The following C21orf91 variants were observed in gnomAD, a reference collection of about 807,000 sequenced individuals.
The protein encoded by C21orf91 is protein EURL homolog.
A neutral mutation model predicts 32.9 loss-of-function variants in C21orf91; 26 were observed. That is an observed-to-expected ratio of 0.79 (90% confidence interval 0.58 to 1.10). The LOEUF is 1.10. Ranked by LOEUF, C21orf91 falls within the 50% of genes least tolerant of loss-of-function variation. The probability of loss-of-function intolerance (pLI) is 0.00; values close to 1 mark genes in which losing one functional copy is unlikely to be tolerated. For synonymous variants in C21orf91, 126 were observed against 120.4 expected (o/e 1.05, Z -0.31); for missense variants, 310 against 341.3 (o/e 0.91, Z 0.72).
chr21:17,812,650 C>A (rs1412639746), intron 2 of C21orf91, among the ~76,000 whole-genome samples: 2 of 151,866 alleles, frequency 1.3e-5, no homozygotes, highest in African/African-American at 4.8e-5. Flanking sequence ...TCTACTAAAA[C>A]TACAAAAAAT....
At chr21:17,808,251 G>A (rs1399521881) in intron 2 of C21orf91, among the ~76,000 whole-genome samples, 1 of 152,264 alleles carries the variant, frequency 6.6e-6, no homozygotes, top group East Asian at 1.9e-4. Context: ...CTGCTCCAGA[G>A]AGTGCAAGCT....
Position 17,790,925 on chromosome 21 carries a change from T to C in C21orf91, c.*2490A>G, listed in dbSNP as rs2146240341. The C allele has an allele frequency of 6.6e-6, 1 of 152,220 alleles. No homozygotes were observed. Among genetic ancestry groups the C allele is most frequent in the South Asian group, 2.1e-4 (1 of 4,828 alleles). The allele number at this position is 152,220 out of a possible 1,614,324, so 9.4% of individuals were successfully genotyped here. The stretch of plus-strand genomic sequence containing the variant: ...CTTAATCATATAAGCTCTGAAAATT[T>C]AGTAATGGATGACTGGCAGTCTGTT... On this transcript the variant is annotated 3_prime_UTR_variant, in exon 5 of 5. Transcript: ENST00000284881.
At chr21:17,799,946 G>T (rs1237731067) in intron 2 of C21orf91, among the ~76,000 whole-genome samples, 2 of 152,140 alleles carry the variant, frequency 1.3e-5, no homozygotes, top group Non-Finnish European at 2.9e-5. Context: ...TTGCAGTTCT[G>T]CCAGGCTACT....
chr21:17,790,122 C>T lies in C21orf91; in HGVS notation c.*3293G>A, dbSNP rs372693288. On this transcript the variant is annotated 3_prime_UTR_variant, in exon 5 of 5. Transcript: ENST00000284881. Reference sequence around the variant, plus strand: ...TGGTACCATTTCAAATTTTCATGTACAAGTAACCCACTTTATGGTCACTAA... The same window carrying T: ...TGGTACCATTTCAAATTTTCATGTATAAGTAACCCACTTTATGGTCACTAA... 12 of 152,124 alleles carry T rather than the reference C, an allele frequency of 7.9e-5. No homozygotes were observed. In the South Asian group the frequency reaches 8.3e-4, roughly 11 times the overall value. 9.4% of individuals were successfully genotyped at this position (152,124 alleles called of 1,614,324 possible).
At chr21:17,806,146 A>G (rs1372021945) in intron 2 of C21orf91, among the ~76,000 whole-genome samples, 2 of 152,202 alleles carry the variant, frequency 1.3e-5, no homozygotes, top group African/African-American at 2.4e-5. Context: ...CATCTCCTCA[A>G]CTGCCGCCTG....
intron 2 of C21orf91, among the ~76,000 whole-genome samples, chr21:17,807,321 G>A (rs1256757379): frequency 6.6e-6 from 1 of 152,096 alleles, no homozygotes; most frequent in Non-Finnish European, 1.5e-5. Context: ...CATGTAAGAT[G>A]TGCCTGCTCC....
At chr21:17,793,691 A>C in intron 4 of C21orf91, 110 bp from the exon 5 acceptor site, 5 of 683,814 alleles carry the variant, frequency 7.3e-6, no homozygotes, top group South Asian at 1.9e-5. Context: ...TGTCACAATG[A>C]AACTGATTTG....
chr21:17,816,300 A>G (rs920715272), intron 2 of C21orf91, among the ~76,000 whole-genome samples: 1 of 152,236 alleles, frequency 6.6e-6, no homozygotes, highest in African/African-American at 2.4e-5. Flanking sequence ...TATATTCTCT[A>G]TATAATGACT....
chr21:17,818,184 G>A lies in C21orf91; in HGVS notation c.127+8C>T. On this transcript the variant is annotated splice_region_variant and intron_variant, in intron 2 of 4. Coordinates refer to ENST00000284881, the MANE Select transcript of C21orf91 (RefSeq NM_001100420.2). ...TTCCATAAGATCAAAACTATACTGT[G>A]TCCTTACCCTCAATATTTAGCTCAA... The A allele has an allele frequency of 6.2e-7, 1 of 1,603,880 alleles. No individual in the cohort carries two copies. Among genetic ancestry groups the A allele is most frequent in the Non-Finnish European group, 8.5e-7 (1 of 1,171,104 alleles).
rs1043626663 is a variant in C21orf91 at position 17,803,326 on chromosome 21, G to A, written c.128-6208C>T. Reference sequence around the variant, plus strand: ...GCCTGACCCCAGGAATTTGAGAGTCGTCTGGGCAACATTGTGAAACCTGGT... The same window carrying A: ...GCCTGACCCCAGGAATTTGAGAGTCATCTGGGCAACATTGTGAAACCTGGT... On this transcript the variant is annotated intron_variant, in intron 2 of 4. Coordinates refer to ENST00000284881, the MANE Select transcript of C21orf91 (RefSeq NM_001100420.2). 5.9e-5 allele frequency among the ~76,000 whole-genome samples: 9 copies of A among 152,262 alleles called. No individual in the cohort carries two copies. In the South Asian group the frequency reaches 1.7e-3, roughly 28 times the overall value.
chr21:17,807,857 T>C (rs1333909574), intron 2 of C21orf91, among the ~76,000 whole-genome samples: 1 of 152,232 alleles, frequency 6.6e-6, no homozygotes, highest in African/African-American at 2.4e-5. Context: ...GTGGCCTGGC[T>C]GCTTCCAACA....
chr21:17,807,568 T>A (rs73315646), intron 2 of C21orf91, among the ~76,000 whole-genome samples: 5 of 152,114 alleles, frequency 3.3e-5, no homozygotes, highest in Non-Finnish European at 7.4e-5. Flanking sequence ...CAGAAGAAGA[T>A]AGGATGATAA....
Position 17,790,361 on chromosome 21 carries a change from T to A in C21orf91, c.*3054A>T. Reference sequence around the variant, plus strand: ...AGCCTTACCAGTGTAAACACTAAGGTAAAAAATATATAAACAACATAAAGA... The same window carrying A: ...AGCCTTACCAGTGTAAACACTAAGGAAAAAAATATATAAACAACATAAAGA... On this transcript the variant is annotated 3_prime_UTR_variant, in exon 5 of 5. Coordinates refer to ENST00000284881, the MANE Select transcript of C21orf91 (RefSeq NM_001100420.2). The A allele has an allele frequency of 6.6e-6, 1 of 151,814 alleles. No homozygotes were observed. The highest frequency in any genetic ancestry group is 6.6e-5 in the Admixed American group (1 of 15,266). The allele number at this position is 151,814 out of a possible 1,614,324, so 9.4% of individuals were successfully genotyped here.
At chr21:17,795,986 T>C (rs908093276) in intron 3 of C21orf91, among the ~76,000 whole-genome samples, 1 of 152,244 alleles carries the variant, frequency 6.6e-6, no homozygotes, top group African/African-American at 2.4e-5. Flanking sequence ...TGTCTAGATG[T>C]AGAATCTTAA....
intron 2 of C21orf91, 72 bp from the exon 3 acceptor site, chr21:17,797,190 A>G: frequency 1.0e-6 from 1 of 968,954 alleles, no homozygotes; most frequent in Non-Finnish European, 1.5e-6. Context: ...GAACATACAA[A>G]TCTTAGTAAA....
chr21:17,796,836 G>C lies in C21orf91; in HGVS notation c.410C>G (p.Ser137Cys). The change falls in exon 3 of 5, where the codon TCC (serine) becomes TGC (cysteine). Residue 137 changes from serine to cysteine, a missense_variant. Physicochemically the swap from Ser to Cys is moderately radical, Grantham distance 112. Transcript: ENST00000284881. ...TTTTGCAGAATATTTTGGTACTTGG[G>C]AGTCAAACTGTGGGAGTAATTTTTC... ...PEEKLLPQFD[S>C]QVPKYSAKWI... 1 of 1,613,952 alleles carries C rather than the reference G, an allele frequency of 6.2e-7. No homozygotes were observed.
rs2146238007 is a variant in C21orf91 at position 17,789,017 on chromosome 21, A to C, written c.*4398T>G. 1 of 152,320 alleles carries C rather than the reference A, an allele frequency of 6.6e-6. No homozygotes were observed. The highest frequency in any genetic ancestry group is 1.9e-4 in the East Asian group (1 of 5,188). The allele number at this position is 152,320 out of a possible 1,614,324, so 9.4% of individuals were successfully genotyped here. On this transcript the variant is annotated 3_prime_UTR_variant, in exon 5 of 5. Transcript: ENST00000284881. ...ATTGTTGTAAAATTAAAAATAGTAG[A>C]CAAGCATATATACAGTTCCCAAGCA...
chr21:17,796,621 T>C lies in C21orf91; in HGVS notation c.625A>G (p.Asn209Asp). Residue 209 changes from asparagine to aspartate, a missense_variant, in exon 3 of 5, where the codon AAT becomes GAT. Physicochemically the swap from Asn to Asp is conservative, Grantham distance 23. Coordinates refer to ENST00000284881, the MANE Select transcript of C21orf91 (RefSeq NM_001100420.2). ...KEETISSPEA[N>D]VQTQHPHYSR... ...TAATGTGGATGCTGGGTCTGGACAT[T>C]AGCCTCTGGACTAGAGATTGTCTCT... 6.2e-7 allele frequency: 1 copy of C among 1,614,044 alleles called. No homozygotes were observed. The highest frequency in any genetic ancestry group is 8.5e-7 in the Non-Finnish European group (1 of 1,179,922).
intron 3 of C21orf91, 96 bp from the exon 4 acceptor site, chr21:17,795,366 C>G: frequency 1.2e-6 from 1 of 812,070 alleles, no homozygotes; most frequent in Non-Finnish European, 2.1e-6. Context: ...AAAATCAGCA[C>G]TTAACTGCCA....
Sources: gnomAD v4.1 joint callset for allele counts (sites outside exome capture counted in the v4.1 genomes callset) on GRCh38, gnomAD v4.1.1 for gene constraint, MANE v1.5 for transcripts, NCBI Gene and HGNC (gene_info 2026-07-23, HGNC 2026-07-21) for gene names.